ZMIZ1: variants seen among roughly 807,000 people sequenced by gnomAD.
The protein encoded by ZMIZ1 is zinc finger MIZ-type containing 1.
A neutral mutation model predicts 113.9 loss-of-function variants in ZMIZ1; 17 were observed. The observed-to-expected ratio is 0.15, with a 90% CI of 0.10 to 0.22. The LOEUF is 0.22. ZMIZ1 is among the 10% of genes least tolerant of loss of function. The pLI, the probability that ZMIZ1 is intolerant of heterozygous loss-of-function variation, is 1.00. For synonymous variants in ZMIZ1, 607 were observed against 603.1 expected (o/e 1.01, Z -0.09); for missense variants, 1,059 against 1,477.8 (o/e 0.72, Z 4.65).
At chr10:79,207,939 C>T (rs751686391) in intron 5 of ZMIZ1, among the ~76,000 whole-genome samples, 2 of 151,712 alleles carry the variant, frequency 1.3e-5, no homozygotes, top group African/African-American at 2.4e-5. Context: ...GATCACCTTC[C>T]GCCACCCCCA....
chr10:79,312,833 C>T lies in ZMIZ1; in HGVS notation c.*84C>T. The stretch of plus-strand genomic sequence containing the variant: ...CACTTTTCCACCTGGGAGCCTGTGC[C>T]CTCAGACCGCCCCGCACCAGAGCCA... On this transcript the variant is annotated 3_prime_UTR_variant, in exon 25 of 25. Coordinates refer to ENST00000334512, the MANE Select transcript of ZMIZ1 (RefSeq NM_020338.4). The T allele has an allele frequency of 2.2e-6, 3 of 1,343,864 alleles. No individual in the cohort carries two copies. The allele number at this position is 1,343,864 out of a possible 1,614,324, so 83.2% of individuals were successfully genotyped here.
Position 79,277,309 on chromosome 10 carries a change from C to A in ZMIZ1, c.409C>A (p.Pro137Thr). Reference sequence around the variant, plus strand: ...TCTCAGCTCCATGAGCTCCATGAAACCCACTCTGTCGCACAGGTAAGTGGG... The same window carrying A: ...TCTCAGCTCCATGAGCTCCATGAAAACCACTCTGTCGCACAGGTAAGTGGG... ...PPLSSMSSMK[P>T]TLSHSDGSFP... Residue 137 changes from proline to threonine, a missense_variant, in exon 8 of 25, where the codon CCC becomes ACC. Transcript: ENST00000334512. The A allele has an allele frequency of 6.3e-7, 1 of 1,599,076 alleles. No individual in the cohort carries two copies.
intron 4 of ZMIZ1, among the ~76,000 whole-genome samples, chr10:79,165,842 A>T (rs1032072222): frequency 6.7e-6 from 1 of 149,230 alleles, no homozygotes; most frequent in Non-Finnish European, 1.5e-5. Context: ...AGCTCCCCCT[A>T]GGCGGGCCTG....
At chr10:79,166,810 C>T (rs1023517079) in intron 4 of ZMIZ1, among the ~76,000 whole-genome samples, 3 of 152,218 alleles carry the variant, frequency 2.0e-5, no homozygotes, top group African/African-American at 7.2e-5. Context: ...GGGGCAGAGG[C>T]CCCACCACTC....
intron 1 of ZMIZ1, among the ~76,000 whole-genome samples, chr10:79,074,775 G>A (rs555154239): frequency 1.3e-5 from 2 of 152,360 alleles, no homozygotes; most frequent in South Asian, 4.1e-4. Flanking sequence ...GCCACCCTAG[G>A]ACAAGGCTGT....
rs371988207 is a variant in ZMIZ1, at chr10:79,219,103, G to A, written c.280+2829G>A. ...CCAGTTGACAGATCACTGGGAGGTCGGGGTGAGGATGATGGTGGCTGGATC... is the reference window on the plus strand; with the variant it reads ...CCAGTTGACAGATCACTGGGAGGTCAGGGTGAGGATGATGGTGGCTGGATC... On this transcript the variant is annotated intron_variant, in intron 7 of 24. Coordinates refer to ENST00000334512, the MANE Select transcript of ZMIZ1 (RefSeq NM_020338.4). 1.2e-4 allele frequency among the ~76,000 whole-genome samples: 19 copies of A among 152,258 alleles called. No homozygotes were observed. The East Asian group carries it at 2.3e-3, about 19-fold the overall frequency.
chr10:79,233,738 C>T (rs1849485027), intron 7 of ZMIZ1, among the ~76,000 whole-genome samples: 1 of 148,730 alleles, frequency 6.7e-6, no homozygotes, highest in South Asian at 2.2e-4. Flanking sequence ...TCAGCAGGGG[C>T]CTGGCTCCTC....
chr10:79,274,973 A>G (rs1479936338), intron 7 of ZMIZ1, among the ~76,000 whole-genome samples: 1 of 152,214 alleles, frequency 6.6e-6, no homozygotes, highest in Non-Finnish European at 1.5e-5. Flanking sequence ...TGGGGCGGGC[A>G]GCAGGCGGCA....
intron 7 of ZMIZ1, among the ~76,000 whole-genome samples, chr10:79,250,065 G>A (rs1236312659): frequency 6.6e-6 from 1 of 152,202 alleles, no homozygotes; most frequent in Admixed American, 6.5e-5. Context: ...AGGCGCTTAG[G>A]TTGGTATCTG....
rs1293999984 is a variant in ZMIZ1, at chr10:79,305,617, G to T, written c.2423+16G>T. On this transcript the variant is annotated intron_variant, in intron 21 of 24. Coordinates refer to ENST00000334512, the MANE Select transcript of ZMIZ1 (RefSeq NM_020338.4). Reference sequence around the variant, plus strand: ...CCATCCAACAGTAAGTGGGGCCCTAGCGAGGGGCAGGGGGTGGGAGGGGAC... The same window carrying T: ...CCATCCAACAGTAAGTGGGGCCCTATCGAGGGGCAGGGGGTGGGAGGGGAC... 6.2e-7 allele frequency: 1 copy of T among 1,612,948 alleles called. No homozygotes were observed. Among genetic ancestry groups the T allele is most frequent in the Non-Finnish European group, 8.5e-7 (1 of 1,179,144 alleles).
intron 1 of ZMIZ1, among the ~76,000 whole-genome samples, chr10:79,116,802 A>G (rs1844052812): frequency 6.6e-6 from 1 of 152,210 alleles, no homozygotes; most frequent in African/African-American, 2.4e-5. Context: ...TTGCAGACCC[A>G]CTAGAGCCCC....
intron 1 of ZMIZ1, among the ~76,000 whole-genome samples, chr10:79,072,936 A>G (rs1445103920): frequency 6.6e-6 from 1 of 152,090 alleles, no homozygotes; most frequent in Admixed American, 6.5e-5. Context: ...GTCCCTCAGG[A>G]TGGGGAGGCA....
At position 79,226,954 on chromosome 10, in the gene ZMIZ1, A is replaced by G. The variant is rs374792287; in HGVS notation, c.280+10680A>G. ...GTTCTGCATTTTCTCTGTAACAGGCACTGCCTTGAGTATCCATGAACTCAC... is the reference window on the plus strand; with the variant it reads ...GTTCTGCATTTTCTCTGTAACAGGCGCTGCCTTGAGTATCCATGAACTCAC... On this transcript the variant is annotated intron_variant, in intron 7 of 24. Coordinates refer to ENST00000334512, the MANE Select transcript of ZMIZ1 (RefSeq NM_020338.4). Among the ~76,000 whole-genome samples, 18 of 152,328 alleles carry G rather than the reference A, an allele frequency of 1.2e-4. No homozygotes were observed. The East Asian group carries it at 2.3e-3, about 20-fold the overall frequency.
chr10:79,163,554 C>T (rs1846199237), intron 4 of ZMIZ1, among the ~76,000 whole-genome samples: 1 of 152,242 alleles, frequency 6.6e-6, no homozygotes, highest in Non-Finnish European at 1.5e-5. Flanking sequence ...CCACAAGAAT[C>T]CCACGGGGAG....
chr10:79,269,638 C>T (rs1214510854), intron 7 of ZMIZ1, among the ~76,000 whole-genome samples: 3 of 152,134 alleles, frequency 2.0e-5, no homozygotes, highest in African/African-American at 7.2e-5. Flanking sequence ...TTCCCTTCTC[C>T]AGATGGCCTT....
chr10:79,154,380 G>A (rs563635692), intron 3 of ZMIZ1, among the ~76,000 whole-genome samples: 1 of 152,260 alleles, frequency 6.6e-6, no homozygotes, highest in Admixed American at 6.5e-5. Context: ...GTGGGATGGG[G>A]TGCCCTCTAG....
At chr10:79,117,383 T>C (rs1292801359) in intron 1 of ZMIZ1, among the ~76,000 whole-genome samples, 5 of 142,918 alleles carry the variant, frequency 3.5e-5, no homozygotes, top group Admixed American at 2.0e-4. Context: ...ATCTCATAAG[T>C]GTATTCTCTG....
At chr10:79,195,043 C>T (rs1284505777) in intron 4 of ZMIZ1, among the ~76,000 whole-genome samples, 1 of 152,216 alleles carries the variant, frequency 6.6e-6, no homozygotes, top group Non-Finnish European at 1.5e-5. Flanking sequence ...TGGCCTTGGG[C>T]TGCCCTGGAA....
intron 22 of ZMIZ1, 76 bp from the exon 23 acceptor site, chr10:79,307,329 C>T (rs1042997163): frequency 3.5e-6 from 5 of 1,438,616 alleles, no homozygotes; most frequent in East Asian, 4.6e-5. Flanking sequence ...TGTATTTTTA[C>T]ACACTCTCTG....
Sources: gnomAD v4.1 joint callset for allele counts (sites outside exome capture counted in the v4.1 genomes callset) on GRCh38, gnomAD v4.1.1 for gene constraint, MANE v1.5 for transcripts, NCBI Gene and HGNC (gene_info 2026-07-23, HGNC 2026-07-21) for gene names.